Variants in ADGRV1 observed in about 807,000 individuals in gnomAD.
ADGRV1 encodes G-protein coupled receptor 98.
ADGRV1 carries 359 observed loss-of-function variants against 596.2 expected under a neutral mutation model. The observed-to-expected ratio is 0.60, with a 90% confidence interval of 0.55 to 0.66. The LOEUF (loss-of-function observed/expected upper bound fraction) is 0.66, where lower values mean the gene tolerates loss of function less well. ADGRV1 is among the 30% of genes least tolerant of loss of function. The pLI is 0.00. For missense variants in ADGRV1, 7,274 were observed against 7,575.6 expected (o/e 0.96, Z 1.48); for synonymous variants, 2,681 against 2,679.2 (o/e 1.00, Z -0.02).
rs374034519 is a variant in ADGRV1, at chr5:90,642,962, A to T, written c.2474A>T (p.Asn825Ile). ...EPRDSNEFYG[N>I]TGVLEFKPGE... ...AGAGATAGCAATGAATTCTATGGAA[A>T]CACGGGAGTACTAGAATTTAAACCT... Residue 825 changes from asparagine to isoleucine, a missense_variant, in exon 13 of 90, where the codon AAC becomes ATC. This residue lies in a region of ADGRV1 where 1,715 missense variants were observed against 1,708.8 expected (regional missense o/e 1.00). Transcript: ENST00000405460. 68 of 1,613,546 alleles carry T rather than the reference A, an allele frequency of 4.2e-5. No individual in the cohort carries two copies. Among genetic ancestry groups the T allele is most frequent in the Non-Finnish European group, 5.6e-5 (66 of 1,179,620 alleles).
Position 90,745,245 on chromosome 5 carries a change from C to T in ADGRV1, c.10749C>T (p.Ser3583=). The change falls in exon 51 of 90, where the codon AGC becomes AGT. Residue 3583 remains serine, a synonymous_variant. Transcript: ENST00000405460. Reference sequence around the variant, plus strand: ...TATATGAGCTAGCCTACATTTCCAGCCATTCTGACTTTATTCCTAGGTAGG... The same window carrying T: ...TATATGAGCTAGCCTACATTTCCAGTCATTCTGACTTTATTCCTAGGTAGG... The part of the protein sequence containing the change: ...SHIYELAYIS[S]HSDFIPSSGE... The T allele has an allele frequency of 1.3e-6, 2 of 1,596,276 alleles. No homozygotes were observed. Among genetic ancestry groups the T allele is most frequent in the Non-Finnish European group, 1.7e-6 (2 of 1,173,700 alleles).
chr5:90,597,756 AGAG>A (rs1417874997), intron 1 of ADGRV1, among the ~76,000 whole-genome samples: 2 of 152,110 alleles, frequency 1.3e-5, no homozygotes, highest in Non-Finnish European at 1.5e-5. Flanking sequence ...GAGAGGAAGA[AGAG>A]AAGAGGAAGA....
chr5:90,624,756 A>G (rs143644878), intron 5 of ADGRV1, among the ~76,000 whole-genome samples: 6 of 152,256 alleles, frequency 3.9e-5, no homozygotes, highest in Non-Finnish European at 7.4e-5. Flanking sequence ...GAATGATTTT[A>G]TTTATTCTTC....
At chr5:90,766,609 C>T (rs957987327) in intron 59 of ADGRV1, among the ~76,000 whole-genome samples, 8 of 152,138 alleles carry the variant, frequency 5.3e-5, no homozygotes, top group African/African-American at 1.9e-4. Flanking sequence ...ATATTACAGT[C>T]CATCTTTATG....
intron 75 of ADGRV1, among the ~76,000 whole-genome samples, chr5:90,817,257 T>C (rs1288407549): frequency 1.3e-5 from 2 of 150,224 alleles, no homozygotes; most frequent in African/African-American, 5.0e-5. Flanking sequence ...TTTGATGGGG[T>C]TGTTTGTTTT....
At chr5:90,729,341 T>C (rs1752223615) in intron 49 of ADGRV1, among the ~76,000 whole-genome samples, 1 of 152,196 alleles carries the variant, frequency 6.6e-6, no homozygotes, top group African/African-American at 2.4e-5. Flanking sequence ...AAAATTTGCT[T>C]TCTGCTGCTG....
chr5:90,842,161 C>T (rs1765487117), intron 78 of ADGRV1, among the ~76,000 whole-genome samples: 1 of 152,120 alleles, frequency 6.6e-6, no homozygotes, highest in African/African-American at 2.4e-5. Flanking sequence ...TTTTTGTTCT[C>T]AATAAGTTAT....
intron 1 of ADGRV1, among the ~76,000 whole-genome samples, chr5:90,569,500 A>G (rs1756245853): frequency 1.4e-5 from 2 of 143,876 alleles, no homozygotes; most frequent in South Asian, 2.2e-4. Context: ...ATTTTTTCCA[A>G]TTCATTCTAA....
At chr5:91,123,896 T>C (rs1262263875) in intron 87 of ADGRV1, among the ~76,000 whole-genome samples, 1 of 151,954 alleles carries the variant, frequency 6.6e-6, no homozygotes. Context: ...GTGGGTGAGG[T>C]AGAGACAATA....
chr5:91,097,923 G>A (rs1294657979), intron 86 of ADGRV1, among the ~76,000 whole-genome samples: 2 of 152,054 alleles, frequency 1.3e-5, no homozygotes, highest in East Asian at 1.9e-4. Flanking sequence ...TGGGTATTTT[G>A]TTGTTAAGTT....
At chr5:90,745,491 T>C in intron 51 of ADGRV1, 100 bp from the exon 52 acceptor site, 1 of 873,704 alleles carries the variant, frequency 1.1e-6, no homozygotes, top group Non-Finnish European at 1.7e-6. Flanking sequence ...GTTGTGATTC[T>C]TCCAAACCTT....
At chr5:90,859,472 G>A (rs1283971291) in intron 82 of ADGRV1, among the ~76,000 whole-genome samples, 5 of 151,856 alleles carry the variant, frequency 3.3e-5, no homozygotes, top group African/African-American at 7.3e-5. Context: ...TCTCTCTGTC[G>A]CCCAGGCTGG....
At chr5:90,610,067 A>C (rs888949424) in intron 1 of ADGRV1, among the ~76,000 whole-genome samples, 2 of 151,872 alleles carry the variant, frequency 1.3e-5, no homozygotes, top group African/African-American at 2.4e-5. Flanking sequence ...TTATTGAGAC[A>C]TAGAAAAAAA....
rs1489371595 is a variant in ADGRV1 at position 91,022,603 on chromosome 5, T to C, written c.18152+37081T>C. 3.9e-5 allele frequency among the ~76,000 whole-genome samples: 6 copies of C among 152,124 alleles called. No individual in the cohort carries two copies. The South Asian group carries it at 8.3e-4, about 21-fold the overall frequency. ...TGTAGTCTTATTTATGTAACTCCTG[T>C]AATCAAGGCTAAATGCAGACAGCTG... On this transcript the variant is annotated intron_variant, in intron 85 of 89. Transcript: ENST00000405460.
intron 86 of ADGRV1, among the ~76,000 whole-genome samples, chr5:91,086,699 T>G (rs930654766): frequency 3.9e-5 from 6 of 152,160 alleles, no homozygotes; most frequent in African/African-American, 1.2e-4. Flanking sequence ...ACCCCTTCAT[T>G]ACATTGCAGG....
intron 1 of ADGRV1, among the ~76,000 whole-genome samples, chr5:90,604,896 TGG>T (rs560345470): frequency 1.8e-3 from 280 of 152,256 alleles, no homozygotes; most frequent in African/African-American, 6.3e-3. Flanking sequence ...TTTGCAAATG[TGG>T]GAGAGAGAAA....
intron 86 of ADGRV1, among the ~76,000 whole-genome samples, chr5:91,099,599 AGATAT>A (rs1372248400): frequency 6.6e-6 from 1 of 152,198 alleles, no homozygotes; most frequent in Non-Finnish European, 1.5e-5. Context: ...TCGAATCAGT[AGATAT>A]ATTAAGAATA....
chr5:91,072,378 G>C, intron 85 of ADGRV1, 69 bp from the exon 86 acceptor site: 1 of 1,320,436 alleles, frequency 7.6e-7, no homozygotes, highest in Non-Finnish European at 1.1e-6. Flanking sequence ...GTAGTGATGT[G>C]ATACATTCTG....
chr5:90,917,143 A>G (rs2150721000), intron 83 of ADGRV1, among the ~76,000 whole-genome samples: 1 of 152,188 alleles, frequency 6.6e-6, no homozygotes, highest in Middle Eastern at 3.2e-3. Context: ...AGCAATCACA[A>G]TACTATCAGC....
Sources: gnomAD v4.1 joint callset for allele counts (sites outside exome capture counted in the v4.1 genomes callset) on GRCh38, gnomAD v4.1.1 for gene constraint, gnomAD v4.1.1 regional missense constraint, MANE v1.5 for transcripts, NCBI Gene and HGNC (gene_info 2026-07-23, HGNC 2026-07-21) for gene names.